FNBP1: variants seen among roughly 807,000 people sequenced by gnomAD.
FNBP1 encodes the protein formin binding protein 1.
A neutral mutation model predicts 90.6 loss-of-function variants in FNBP1; 26 were observed. The observed-to-expected ratio is 0.29, with a 90% CI of 0.21 to 0.40. FNBP1 has a LOEUF of 0.40. Among genes scored for constraint, FNBP1 ranks in the 10% least tolerant of loss-of-function variants. The pLI is 1.00. For missense variants in FNBP1, 635 were observed against 768.0 expected, an observed-to-expected ratio of 0.83 and a Z score of 2.05; for synonymous variants, 260 against 265.2, an observed-to-expected ratio of 0.98 and a Z score of 0.19.
chr9:130,013,894 A>T (rs2056925083), intron 1 of FNBP1: 1 of 430,812 alleles, frequency 2.3e-6, no homozygotes, highest in Non-Finnish European at 4.6e-6. Context: ...AAAGGCCTTC[A>T]ACTGGTGCCA....
chr9:130,048,645 A>G, the FNBP1 span, among the ~76,000 whole-genome samples: 188 of 123,124 alleles, frequency 1.5e-3, no homozygotes, highest in African/African-American at 5.1e-3. Flanking sequence ...CGCCCGGCTA[A>G]TTTTTTGTAC....
intron 4 of FNBP1, among the ~76,000 whole-genome samples, chr9:129,959,511 C>T: frequency 6.6e-6 from 1 of 152,030 alleles, no homozygotes; most frequent in Non-Finnish European, 1.5e-5. Flanking sequence ...ATTGCTTGAA[C>T]CTGGGAGGCA....
intron 4 of FNBP1, among the ~76,000 whole-genome samples, chr9:129,961,007 A>G (rs755682426): frequency 2.6e-5 from 4 of 151,994 alleles, no homozygotes; most frequent in African/African-American, 4.8e-5. Context: ...TGATATTTCT[A>G]TGAGACTCCC....
intron 15 of FNBP1, among the ~76,000 whole-genome samples, chr9:129,897,082 G>A (rs2035903146): frequency 6.6e-6 from 1 of 152,128 alleles, no homozygotes; most frequent in Admixed American, 6.5e-5. Flanking sequence ...TGGATTCACT[G>A]TTCTTCCTCC....
At position 130,042,999 on chromosome 9, in the gene FNBP1, C is replaced by T; in HGVS notation, c.-24G>A. 2 of 1,225,152 alleles carry T rather than the reference C, an allele frequency of 1.6e-6. No individual in the cohort carries two copies. Among genetic ancestry groups the T allele is most frequent in the South Asian group, 4.1e-5 (1 of 24,368 alleles). 75.9% of individuals were successfully genotyped at this position (1,225,152 alleles called of 1,614,324 possible). ...ATGGTGCAGGGGACGCGAAGGGGCG[C>T]TCCGCGCGGCGGGCGCGGCTCTCTG... On this transcript the variant is annotated 5_prime_UTR_variant, in exon 1 of 17. Coordinates refer to ENST00000446176, the MANE Select transcript of FNBP1 (RefSeq NM_015033.3). This position sits in a 1 kb window ranked among gnomAD's most constrained non-coding sequence, Gnocchi z 5.5.
intron 16 of FNBP1, among the ~76,000 whole-genome samples, chr9:129,894,805 A>T (rs2035469032): frequency 6.6e-6 from 1 of 152,194 alleles, no homozygotes; most frequent in African/African-American, 2.4e-5. Flanking sequence ...CACGCCTATA[A>T]TCCCAGCACT....
chr9:129,975,433 C>G (rs919472289), intron 4 of FNBP1, among the ~76,000 whole-genome samples: 2 of 152,110 alleles, frequency 1.3e-5, no homozygotes, highest in Admixed American at 1.3e-4. Flanking sequence ...AAAAGGAACA[C>G]TATGTATTGC....
Position 129,925,143 on chromosome 9 carries a change from T to C in FNBP1, c.804A>G (p.Val268=). ...SIDQKNDSQL[V]IEAYKSGFEP... ...CAAACCCTGATTTATAAGCTTCTAT[T>C]ACCAGCTGTGAATCCTGAAATTATA... The change falls in exon 9 of 17, where the codon GTA becomes GTG. Residue 268 remains valine, a synonymous_variant. Coordinates refer to ENST00000446176, the MANE Select transcript of FNBP1 (RefSeq NM_015033.3). The C allele has an allele frequency of 6.2e-7, 1 of 1,612,414 alleles. No homozygotes were observed. Among genetic ancestry groups the C allele is most frequent in the Non-Finnish European group, 8.5e-7 (1 of 1,178,966 alleles).
chr9:130,000,789 G>C (rs1366662056), intron 1 of FNBP1, among the ~76,000 whole-genome samples: 1 of 152,096 alleles, frequency 6.6e-6, no homozygotes, highest in African/African-American at 2.4e-5. Context: ...TTATTTTTGA[G>C]AAAATGTTTG....
At chr9:129,911,995 C>G (rs569799321) in intron 11 of FNBP1, among the ~76,000 whole-genome samples, 1 of 151,538 alleles carries the variant, frequency 6.6e-6, no homozygotes, top group Non-Finnish European at 1.5e-5. Flanking sequence ...GTTCTGTGAG[C>G]TGCTCCTGCA....
intron 6 of FNBP1, among the ~76,000 whole-genome samples, chr9:129,932,274 G>C (rs933849929): frequency 6.6e-6 from 1 of 151,760 alleles, no homozygotes; most frequent in African/African-American, 2.4e-5. Context: ...GAAAGTGAAA[G>C]AGAGAAAGAA....
At chr9:130,012,568 A>G (rs1436418459) in intron 1 of FNBP1, among the ~76,000 whole-genome samples, 1 of 152,236 alleles carries the variant, frequency 6.6e-6, no homozygotes, top group East Asian at 1.9e-4. Context: ...AGGCTAGGCT[A>G]TAAAACTTTT....
intron 2 of FNBP1, among the ~76,000 whole-genome samples, chr9:129,992,257 A>C (rs2053282670): frequency 6.6e-6 from 1 of 152,180 alleles, no homozygotes; most frequent in South Asian, 2.1e-4. Flanking sequence ...TTTCACATGA[A>C]AGACAACATT....
intron 12 of FNBP1, among the ~76,000 whole-genome samples, chr9:129,903,653 T>C (rs778035743): frequency 6.6e-6 from 1 of 152,072 alleles, no homozygotes; most frequent in Non-Finnish European, 1.5e-5. Context: ...TAAAAATTTT[T>C]AATTAATTAA....
chr9:130,030,672 T>C (rs919173326), intron 1 of FNBP1, among the ~76,000 whole-genome samples: 5 of 152,172 alleles, frequency 3.3e-5, no homozygotes, highest in African/African-American at 1.2e-4. Context: ...ATAAAGAATT[T>C]AGCTTTCCAC....
At chr9:129,984,642 G>C (rs553499069) in intron 2 of FNBP1, among the ~76,000 whole-genome samples, 3 of 152,070 alleles carry the variant, frequency 2.0e-5, no homozygotes, top group East Asian at 3.9e-4. Context: ...ATGTGGGTTC[G>C]CTGTGTCCCC....
intron 10 of FNBP1, among the ~76,000 whole-genome samples, chr9:129,922,102 G>A (rs942633327): frequency 4.0e-5 from 6 of 151,516 alleles, no homozygotes; most frequent in Non-Finnish European, 7.4e-5. Context: ...ATATGTTAAC[G>A]CTGCTGGGAT....
chr9:129,921,445 G>C (rs530680667), intron 10 of FNBP1, among the ~76,000 whole-genome samples: 1 of 151,530 alleles, frequency 6.6e-6, no homozygotes, highest in Non-Finnish European at 1.5e-5. Context: ...CCAGGCTGGA[G>C]TGCAATAGCG....
At chr9:130,016,397 T>C (rs2057241414) in intron 1 of FNBP1, among the ~76,000 whole-genome samples, 1 of 152,148 alleles carries the variant, frequency 6.6e-6, no homozygotes, top group Non-Finnish European at 1.5e-5. Flanking sequence ...ATTCATCACA[T>C]CCCCCACTAT....
Sources: gnomAD v4.1 joint callset for allele counts (sites outside exome capture counted in the v4.1 genomes callset) on GRCh38, gnomAD v4.1.1 for gene constraint, Gnocchi (gnomAD v3.1) non-coding constraint, MANE v1.5 for transcripts, NCBI Gene and HGNC (gene_info 2026-07-23, HGNC 2026-07-21) for gene names.